LRP1B: variants seen among roughly 807,000 people sequenced by gnomAD.
LRP1B encodes the protein LDL receptor related protein 1B.
A neutral mutation model predicts 556.6 loss-of-function variants in LRP1B; 217 were observed. The observed-to-expected ratio is 0.39, with a 90% CI of 0.35 to 0.44. LRP1B has a LOEUF of 0.44. LRP1B is among the 20% of genes least tolerant of loss of function. The pLI, the probability that LRP1B is intolerant of heterozygous loss-of-function variation, is 1.00. For missense variants in LRP1B, 5,053 were observed against 5,620.8 expected (o/e 0.90, Z 3.23); for synonymous variants, 2,047 against 1,865.8 (o/e 1.10, Z -2.50).
At chr2:140,385,059 G>T (rs1324864808) in intron 67 of LRP1B, among the ~76,000 whole-genome samples, 1 of 152,012 alleles carries the variant, frequency 6.6e-6, no homozygotes, top group Admixed American at 6.6e-5. Flanking sequence ...ATCAGCCTGC[G>T]CAACATGGCA....
intron 3 of LRP1B, among the ~76,000 whole-genome samples, chr2:141,414,678 G>A (rs1425538207): frequency 6.6e-6 from 1 of 152,216 alleles, no homozygotes; most frequent in Admixed American, 6.5e-5. Context: ...AGTATTTTCT[G>A]CAGTCTAGAT....
At chr2:141,510,234 A>ACACACACACC (rs767916859) in intron 2 of LRP1B, among the ~76,000 whole-genome samples, 1 of 145,282 alleles carries the variant, frequency 6.9e-6, no homozygotes, top group African/African-American at 2.5e-5. Flanking sequence ...ACACACACAC[A>ACACACACACC]CCCCCCACAG....
chr2:140,448,729 G>A (rs1317284316), intron 63 of LRP1B, among the ~76,000 whole-genome samples: 1 of 152,030 alleles, frequency 6.6e-6, no homozygotes, highest in Non-Finnish European at 1.5e-5. Context: ...TTGCACACTT[G>A]AAAATTGCTA....
intron 21 of LRP1B, among the ~76,000 whole-genome samples, chr2:140,909,864 TA>T (rs1254762754): frequency 2.0e-5 from 3 of 150,988 alleles, no homozygotes; most frequent in Non-Finnish European, 4.4e-5. Flanking sequence ...AATTTTATCA[TA>T]AAAAATGTAT....
intron 55 of LRP1B, among the ~76,000 whole-genome samples, chr2:140,496,892 AATTT>A (rs141106287): frequency 0.23 from 33,853 of 146,974 alleles, 4,155 homozygotes; most frequent in African/African-American, 0.32. Flanking sequence ...ATTTGGATAA[AATTT>A]ATTTATTTAT....
At chr2:141,165,734 T>A (rs775287886) in intron 7 of LRP1B, among the ~76,000 whole-genome samples, 1 of 152,042 alleles carries the variant, frequency 6.6e-6, no homozygotes, top group Non-Finnish European at 1.5e-5. Context: ...TCTGTGTAAT[T>A]TTTAGTGTAT....
chr2:140,754,056 C>G (rs1688667217), intron 35 of LRP1B, among the ~76,000 whole-genome samples: 1 of 152,126 alleles, frequency 6.6e-6, no homozygotes, highest in Non-Finnish European at 1.5e-5. Flanking sequence ...AGAGTACTGA[C>G]TCAGAGATTT....
At chr2:140,609,903 G>A (rs1380295914) in intron 41 of LRP1B, among the ~76,000 whole-genome samples, 7 of 151,988 alleles carry the variant, frequency 4.6e-5, no homozygotes, top group Non-Finnish European at 8.8e-5. Context: ...ATCCTTCAAT[G>A]ATGTCCCATC....
At chr2:140,413,994 C>A (rs1041943911) in intron 66 of LRP1B, among the ~76,000 whole-genome samples, 1 of 152,114 alleles carries the variant, frequency 6.6e-6, no homozygotes, top group East Asian at 1.9e-4. Flanking sequence ...CAGCTCACTG[C>A]AACCTCAAAC....
At chr2:140,483,615 C>CACACACACACACACACACATATATATAT (rs1403726877) in intron 59 of LRP1B, among the ~76,000 whole-genome samples, 3 of 88,352 alleles carry the variant, frequency 3.4e-5, no homozygotes, top group Admixed American at 1.5e-4. Flanking sequence ...CACACACACA[C>CACACACACACACACACACATATATATAT]ATATATATAT....
chr2:141,872,746 C>CA (rs922732569), intron 1 of LRP1B, among the ~76,000 whole-genome samples: 12 of 151,120 alleles, frequency 7.9e-5, no homozygotes, highest in East Asian at 3.9e-4. Context: ...AAATCATTTA[C>CA]AAAAAAAATG....
intron 1 of LRP1B, among the ~76,000 whole-genome samples, chr2:142,004,318 T>C (rs1702740827): frequency 2.0e-5 from 3 of 151,916 alleles, no homozygotes; most frequent in Admixed American, 2.0e-4. Context: ...TTGCCAAAGA[T>C]GGGAACACAA....
chr2:140,253,446 T>C (rs948424654), intron 86 of LRP1B, among the ~76,000 whole-genome samples: 1 of 151,966 alleles, frequency 6.6e-6, no homozygotes, highest in African/African-American at 2.4e-5. Context: ...TTTTTAAGAA[T>C]GGAGGAGAAA....
intron 1 of LRP1B, among the ~76,000 whole-genome samples, chr2:142,083,275 C>T (rs913021590): frequency 1.3e-5 from 2 of 152,164 alleles, no homozygotes; most frequent in Non-Finnish European, 2.9e-5. Context: ...ATCATTGTGG[C>T]ACTAGTCCAT....
At chr2:141,607,941 T>G (rs187770220) in intron 2 of LRP1B, among the ~76,000 whole-genome samples, 1 of 151,984 alleles carries the variant, frequency 6.6e-6, no homozygotes, top group East Asian at 1.9e-4. Flanking sequence ...AAATAAGAAA[T>G]AGGCCTGGTG....
chr2:142,016,534 T>C (rs932566532), intron 1 of LRP1B, among the ~76,000 whole-genome samples: 2 of 152,064 alleles, frequency 1.3e-5, no homozygotes, highest in Non-Finnish European at 2.9e-5. Context: ...TGCAGGGACA[T>C]GGATGAAGCT....
chr2:141,132,218 A>T (rs1419455800), intron 7 of LRP1B, among the ~76,000 whole-genome samples: 1 of 151,886 alleles, frequency 6.6e-6, no homozygotes, highest in Non-Finnish European at 1.5e-5. Context: ...GTGTTGAGGG[A>T]TGGGGCCTGA....
intron 79 of LRP1B, among the ~76,000 whole-genome samples, chr2:140,327,724 G>A (rs1403305958): frequency 1.3e-5 from 2 of 152,018 alleles, no homozygotes; most frequent in East Asian, 3.9e-4. Context: ...AAAACAGTGA[G>A]TATGTAATCC....
chr2:140,874,509 T>C (rs1693242216), intron 25 of LRP1B, among the ~76,000 whole-genome samples: 1 of 152,182 alleles, frequency 6.6e-6, no homozygotes, highest in African/African-American at 2.4e-5. Flanking sequence ...GCAGAAGGTC[T>C]TTTCTTTTGC....
Sources: gnomAD v4.1 joint callset for allele counts (sites outside exome capture counted in the v4.1 genomes callset) on GRCh38, gnomAD v4.1.1 for gene constraint, MANE v1.5 for transcripts, NCBI Gene and HGNC (gene_info 2026-07-23, HGNC 2026-07-21) for gene names.